The following PARD3B variants were observed in gnomAD, a reference collection of about 807,000 sequenced individuals.
PARD3B encodes partitioning defective 3 homolog B.
A neutral mutation model predicts 130.2 loss-of-function variants in PARD3B; 103 were observed. The ratio of observed to expected loss-of-function variants is 0.79; its 90% CI spans 0.67 to 0.93. PARD3B has a LOEUF of 0.93. Ranked by LOEUF, PARD3B falls within the 40% of genes least tolerant of loss-of-function variation. PARD3B has a pLI of 0.00. For synonymous variants in PARD3B, 583 were observed against 553.2 expected (o/e 1.05, Z -0.76); for missense variants, 1,609 against 1,499.2 (o/e 1.07, Z -1.21).
chr2:205,130,525 G>A (rs1187605829), intron 10 of PARD3B, among the ~76,000 whole-genome samples: 4 of 152,150 alleles, frequency 2.6e-5, no homozygotes, highest in African/African-American at 7.2e-5. Context: ...ATGTATGTGT[G>A]TGTACATGTG....
intron 2 of PARD3B, among the ~76,000 whole-genome samples, chr2:204,756,940 G>A (rs766907683): frequency 4.3e-4 from 65 of 152,010 alleles, no homozygotes; most frequent in Admixed American, 7.2e-4. Context: ...TTGGAATCTC[G>A]TGTTTATTGT....
intron 15 of PARD3B, among the ~76,000 whole-genome samples, chr2:205,216,043 T>C (rs957301090): frequency 1.3e-5 from 2 of 152,146 alleles, no homozygotes; most frequent in African/African-American, 4.8e-5. Context: ...TCATGTACGA[T>C]GTAGTAACAT....
At chr2:205,422,524 G>GA (rs766300310) in intron 19 of PARD3B, among the ~76,000 whole-genome samples, 1 of 152,132 alleles carries the variant, frequency 6.6e-6, no homozygotes, top group Non-Finnish European at 1.5e-5. Flanking sequence ...TGGTTACATA[G>GA]AGCCTGAATA....
intron 10 of PARD3B, among the ~76,000 whole-genome samples, chr2:205,155,940 C>G (rs2034094959): frequency 6.6e-6 from 1 of 152,052 alleles, no homozygotes. Flanking sequence ...ATAAATCATG[C>G]TGCTATAAAG....
intron 1 of PARD3B, among the ~76,000 whole-genome samples, chr2:204,564,854 T>C (rs966409252): frequency 1.3e-5 from 2 of 152,260 alleles, no homozygotes; most frequent in African/African-American, 2.4e-5. Flanking sequence ...ATGCTTTTTG[T>C]AGATATACTA....
chr2:205,586,355 C>G (rs1006943865), intron 22 of PARD3B, among the ~76,000 whole-genome samples: 2 of 152,204 alleles, frequency 1.3e-5, no homozygotes, highest in African/African-American at 4.8e-5. Flanking sequence ...GACTGCAGCT[C>G]AACCTAATGT....
chr2:205,580,296 C>T (rs532632706), intron 22 of PARD3B, among the ~76,000 whole-genome samples: 92 of 152,190 alleles, frequency 6.0e-4, no homozygotes, highest in East Asian at 7.7e-4. Flanking sequence ...TCAAGTATGA[C>T]GCACAGCATC....
At chr2:205,541,671 A>G (rs1342849888) in intron 21 of PARD3B, among the ~76,000 whole-genome samples, 1 of 151,262 alleles carries the variant, frequency 6.6e-6, no homozygotes, top group Non-Finnish European at 1.5e-5. Flanking sequence ...CTACTACTTT[A>G]TCCACCTGTT....
intron 1 of PARD3B, among the ~76,000 whole-genome samples, chr2:204,581,785 A>G (rs1213125597): frequency 6.6e-6 from 1 of 152,176 alleles, no homozygotes; most frequent in Non-Finnish European, 1.5e-5. Context: ...TAAGGTGGAG[A>G]CTAAATTTGA....
At chr2:204,997,930 A>C (rs1248212824) in intron 3 of PARD3B, among the ~76,000 whole-genome samples, 2 of 148,004 alleles carry the variant, frequency 1.4e-5, no homozygotes, top group East Asian at 4.0e-4. Context: ...TATACTTAAT[A>C]TTTTTATTTG....
chr2:205,609,237 C>G (rs2055136582), intron 22 of PARD3B, among the ~76,000 whole-genome samples: 2 of 152,310 alleles, frequency 1.3e-5, no homozygotes, highest in South Asian at 2.1e-4. Flanking sequence ...TAAGCACAGA[C>G]TAAAAGCATC....
In PARD3B at chr2:204,815,993, A is replaced by G. The variant is rs576178370; in HGVS notation, c.222+129711A>G. Among the ~76,000 whole-genome samples, 9 of 152,098 alleles carry G rather than the reference A, an allele frequency of 5.9e-5. No homozygotes were observed. In the South Asian group the frequency reaches 6.2e-4, roughly 10 times the overall value. ...GTTGATAATGTTTTTCAGGTGTGCT[A>G]TCTTGAGTAGATTACTTTTTTTGAT... On this transcript the variant is annotated intron_variant, in intron 2 of 22. Coordinates refer to ENST00000406610, the MANE Select transcript of PARD3B (RefSeq NM_001302769.2).
rs2105875312 is a variant in PARD3B, at chr2:205,291,793, CT to C, written c.2186-8736del. 6.6e-6 allele frequency among the ~76,000 whole-genome samples: 1 copy of C among 152,204 alleles called. No individual in the cohort carries two copies. The highest frequency in any genetic ancestry group is 2.4e-5 in the African/African-American group (1 of 41,538). On this transcript the variant is annotated intron_variant, in intron 16 of 22. Coordinates refer to ENST00000406610, the MANE Select transcript of PARD3B (RefSeq NM_001302769.2). The surrounding 1 kb of genome is among the most constrained non-coding windows in gnomAD (Gnocchi z 4.6). ...TCCATATTGAAAAGTCTGAAAAAGC[CT>C]GTTTGGGAAAGAATACTAAGGATGT...
At chr2:204,551,987 T>C (rs1488171832) in intron 1 of PARD3B, among the ~76,000 whole-genome samples, 1 of 152,194 alleles carries the variant, frequency 6.6e-6, no homozygotes, top group Non-Finnish European at 1.5e-5. Context: ...ACTAGACATA[T>C]GTGGTTGTTA....
intron 18 of PARD3B, among the ~76,000 whole-genome samples, chr2:205,391,467 TA>T (rs1414151673): frequency 3.3e-5 from 5 of 152,192 alleles, no homozygotes; most frequent in African/African-American, 1.2e-4. Flanking sequence ...TTGAAATAAG[TA>T]AACATTTAAC....
In PARD3B at chr2:205,243,470, G is replaced by A. The variant is rs543002316; in HGVS notation, c.2141-2308G>A. 2.8e-4 allele frequency among the ~76,000 whole-genome samples: 43 copies of A among 152,264 alleles called. No individual in the cohort carries two copies. In the South Asian group the frequency reaches 8.9e-3, roughly 32 times the overall value. On this transcript the variant is annotated intron_variant, in intron 15 of 22. Coordinates refer to ENST00000406610, the MANE Select transcript of PARD3B (RefSeq NM_001302769.2). ...GTTTCCAAACAAGGATTCCAATTCA[G>A]AAAGATTATTTCTCATCTGTAGAAT...
At chr2:205,497,989 C>T (rs944206375) in intron 20 of PARD3B, among the ~76,000 whole-genome samples, 1 of 148,510 alleles carries the variant, frequency 6.7e-6, no homozygotes, top group Admixed American at 6.9e-5. Flanking sequence ...CCAGCCTGGC[C>T]AACATGGTGA....
intron 2 of PARD3B, among the ~76,000 whole-genome samples, chr2:204,771,388 G>A (rs1453077386): frequency 6.6e-6 from 1 of 152,036 alleles, no homozygotes; most frequent in Non-Finnish European, 1.5e-5. Flanking sequence ...GGGAGCCTTG[G>A]TCCTTTGAGA....
At chr2:205,504,124 CA>C (rs2050260342) in intron 21 of PARD3B, among the ~76,000 whole-genome samples, 1 of 152,016 alleles carries the variant, frequency 6.6e-6, no homozygotes, top group African/African-American at 2.4e-5. Flanking sequence ...ACAAACCTAA[CA>C]AAAACAAGAA....
Sources: gnomAD v4.1 joint callset for allele counts (sites outside exome capture counted in the v4.1 genomes callset) on GRCh38, gnomAD v4.1.1 for gene constraint, Gnocchi (gnomAD v3.1) non-coding constraint, MANE v1.5 for transcripts, NCBI Gene and HGNC (gene_info 2026-07-23, HGNC 2026-07-21) for gene names.